SPTY2D1: variants seen among roughly 807,000 people sequenced by gnomAD.
The protein encoded by SPTY2D1 is protein SPT2 homolog.
A neutral mutation model predicts 64.0 loss-of-function variants in SPTY2D1; 21 were observed. The ratio of observed to expected loss-of-function variants is 0.33; its 90% confidence interval spans 0.23 to 0.47. The LOEUF (loss-of-function observed/expected upper bound fraction) is 0.47. SPTY2D1 is among the 20% of genes least tolerant of loss of function. The pLI is 1.00. For synonymous variants in SPTY2D1, 287 were observed against 286.8 expected, an observed-to-expected ratio of 1.00 and a Z score of -0.01; for missense variants, 724 against 837.2, an observed-to-expected ratio of 0.86 and a Z score of 1.67.
chr11:18,620,213 G>A (rs573124480), intron 1 of SPTY2D1, among the ~76,000 whole-genome samples: 38 of 152,252 alleles, frequency 2.5e-4, no homozygotes, highest in South Asian at 2.5e-3. Context: ...GGTGGTTCAC[G>A]CCTGTAATCC....
At position 18,615,656 on chromosome 11, in the gene SPTY2D1, T is replaced by C. The variant is rs752303414; in HGVS notation, c.618A>G (p.Glu206=). Residue 206 remains glutamate, a synonymous_variant, in exon 3 of 6, where the codon GAA becomes GAG. Transcript: ENST00000336349. The part of the protein sequence containing the change: ...PMTAEELRER[E]FLERKHRRKK... ...TTCTCCTATGCTTTCGTTCAAGGAATTCTCGCTCCCTAAGTTCTTCTGCGG... is the reference window on the plus strand; with the variant it reads ...TTCTCCTATGCTTTCGTTCAAGGAACTCTCGCTCCCTAAGTTCTTCTGCGG... 4 of 1,614,108 alleles carry C rather than the reference T, an allele frequency of 2.5e-6. No homozygotes were observed. The Middle Eastern group carries it at 4.9e-4, about 199-fold the overall frequency.
chr11:18,616,900 C>G lies in SPTY2D1; in HGVS notation c.150G>C (p.Arg50Ser). The part of the protein sequence containing the change: ...QSAAVQAFLK[R>S]KEEELRRKAL... ...CTTTTCGTCTCAGCTCCTCTTCTTT[C>G]CTTTTAAGAAAAGCTTGTACAGCTG... The change falls in exon 2 of 6, where the codon AGG becomes AGC. Residue 50 changes from arginine to serine, a missense_variant. Physicochemically the swap from Arg to Ser is moderately radical, Grantham distance 110. Coordinates refer to ENST00000336349, the MANE Select transcript of SPTY2D1 (RefSeq NM_194285.3). 6.2e-7 allele frequency: 1 copy of G among 1,614,100 alleles called. No individual in the cohort carries two copies. The highest frequency in any genetic ancestry group is 8.5e-7 in the Non-Finnish European group (1 of 1,180,012).
At chr11:18,624,623 A>G (rs1854466650) in intron 1 of SPTY2D1, among the ~76,000 whole-genome samples, 2 of 152,360 alleles carry the variant, frequency 1.3e-5, no homozygotes, top group East Asian at 3.9e-4. Context: ...AAACTGTATC[A>G]TCTAAGCCAG....
At chr11:18,624,208 A>AG (rs1554988736) in intron 1 of SPTY2D1, among the ~76,000 whole-genome samples, 4 of 89,782 alleles carry the variant, frequency 4.5e-5, no homozygotes, top group Non-Finnish European at 1.2e-4. Flanking sequence ...TTAAAAAGAG[A>AG]GGAAAAAAAA....
chr11:18,613,630 T>C (rs1854241943), intron 3 of SPTY2D1, among the ~76,000 whole-genome samples: 1 of 152,172 alleles, frequency 6.6e-6, no homozygotes, highest in Non-Finnish European at 1.5e-5. Context: ...GAATCAATGG[T>C]CTAGTTGAAC....
At chr11:18,614,512 C>CA in intron 3 of SPTY2D1, 51 bp downstream of exon 3, 1 of 1,531,906 alleles carries the variant, frequency 6.5e-7, no homozygotes, top group Non-Finnish European at 8.8e-7. Flanking sequence ...AAAACTCTTT[C>CA]CAATTTCCTA....
intron 1 of SPTY2D1, among the ~76,000 whole-genome samples, chr11:18,622,681 G>A (rs1028660588): frequency 1.3e-5 from 2 of 152,106 alleles, no homozygotes; most frequent in African/African-American, 4.8e-5. Context: ...GCTGGGCGCG[G>A]TGGCTCACCC....
At chr11:18,630,548 T>C (rs1381532986) in intron 1 of SPTY2D1, among the ~76,000 whole-genome samples, 1 of 152,190 alleles carries the variant, frequency 6.6e-6, no homozygotes, top group Non-Finnish European at 1.5e-5. Context: ...TTTAGTCTAA[T>C]CATCGCTAGT....
At position 18,614,658 on chromosome 11, in the gene SPTY2D1, G is replaced by T; in HGVS notation, c.1616C>A (p.Ser539Tyr). The change falls in exon 3 of 6, where the codon TCC (serine) becomes TAC (tyrosine). Residue 539 changes from serine (S) to tyrosine (Y), a missense_variant. Ser to Tyr is a moderately radical substitution (Grantham distance 144, BLOSUM62 -2). Coordinates refer to ENST00000336349, the MANE Select transcript of SPTY2D1 (RefSeq NM_194285.3). ...PTIKPKCTVV[S>Y]ETISSKNIIS... is the part of the protein sequence containing the mutation. ...GATATTCTTGGAAGAAATTGTTTCG[G>T]AGACAACAGTGCACTTAGGCTTTAT... The T allele has an allele frequency of 1.2e-6, 2 of 1,614,232 alleles. No homozygotes were observed. The highest frequency in any genetic ancestry group is 1.7e-6 in the Non-Finnish European group (2 of 1,180,038).
At chr11:18,621,110 C>T (rs1461204886) in intron 1 of SPTY2D1, among the ~76,000 whole-genome samples, 1 of 151,028 alleles carries the variant, frequency 6.6e-6, no homozygotes, top group Non-Finnish European at 1.5e-5. Flanking sequence ...TCGAGACCAG[C>T]CTGGTCAACT....
chr11:18,622,086 CAAAAAA>C (rs747593791), intron 1 of SPTY2D1, among the ~76,000 whole-genome samples: 2 of 11,834 alleles, frequency 1.7e-4, no homozygotes, highest in African/African-American at 4.7e-4. Context: ...GACCCTATCT[CAAAAAA>C]AAAAAAAAAA....
chr11:18,620,102 T>G (rs1590402838), intron 1 of SPTY2D1, among the ~76,000 whole-genome samples: 1 of 152,304 alleles, frequency 6.6e-6, no homozygotes, highest in South Asian at 2.1e-4. Context: ...TTCAGTAAGC[T>G]TCAGTCATTT....
Position 18,616,921 on chromosome 11 carries a change from A to G in SPTY2D1, c.129T>C (p.Ala43=). 6.2e-7 allele frequency: 1 copy of G among 1,614,218 alleles called. No individual in the cohort carries two copies. Among genetic ancestry groups the G allele is most frequent in the Non-Finnish European group, 8.5e-7 (1 of 1,180,036 alleles). The change falls in exon 2 of 6, where the codon GCT becomes GCC. Residue 43 remains alanine, a synonymous_variant. Transcript: ENST00000336349. Reference sequence around the variant, plus strand: ...CTTTCCTTTTAAGAAAAGCTTGTACAGCTGCTGATTGGACACCTTTAACTT... The same window carrying G: ...CTTTCCTTTTAAGAAAAGCTTGTACGGCTGCTGATTGGACACCTTTAACTT... ...DPKVKGVQSA[A]VQAFLKRKEE... is the part of the protein sequence containing the mutation.
At chr11:18,611,643 T>A (rs1404445786) in intron 4 of SPTY2D1, 89 bp from the exon 5 acceptor site, 2 of 1,041,188 alleles carry the variant, frequency 1.9e-6, no homozygotes, top group African/African-American at 3.2e-5. Context: ...CAATATCTCC[T>A]TTAAAACTAA....
rs1854284310 is a variant in SPTY2D1, at chr11:18,615,532, C to T, written c.742G>A (p.Asp248Asn). 3.7e-6 allele frequency: 6 copies of T among 1,614,208 alleles called. No individual in the cohort carries two copies. Among genetic ancestry groups the T allele is most frequent in the Non-Finnish European group, 1.7e-6 (2 of 1,180,044 alleles). Residue 248 changes from aspartate (D) to asparagine (N), a missense_variant, in exon 3 of 6, where the codon GAC (aspartate) becomes AAC (asparagine). By Grantham distance (23) the Asp-to-Asn change is conservative. Coordinates refer to ENST00000336349, the MANE Select transcript of SPTY2D1 (RefSeq NM_194285.3). The part of the protein sequence containing the change: ...VGTKLSKGSG[D>N]RHPSSKGMPL... ...ATTCCTTTGGAAGAAGGATGCCTGT[C>T]TCCAGAACCTTTGCTAAGTTTTGTG...
intron 1 of SPTY2D1, among the ~76,000 whole-genome samples, chr11:18,623,157 T>C (rs1373146302): frequency 6.6e-6 from 1 of 152,206 alleles, no homozygotes; most frequent in Non-Finnish European, 1.5e-5. Context: ...CTGCAGGTTT[T>C]TTAAGTTATC....
intron 1 of SPTY2D1, among the ~76,000 whole-genome samples, chr11:18,630,704 C>A (rs1255676771): frequency 6.6e-6 from 1 of 152,212 alleles, no homozygotes; most frequent in Non-Finnish European, 1.5e-5. Flanking sequence ...GAGAGAGATG[C>A]AGCCTAGTTA....
intron 1 of SPTY2D1, among the ~76,000 whole-genome samples, chr11:18,632,546 A>C (rs887116225): frequency 1.3e-5 from 2 of 152,084 alleles, no homozygotes; most frequent in Non-Finnish European, 2.9e-5. Context: ...ATGGGGTTTC[A>C]TCATATTTGT....
chr11:18,620,594 A>G (rs1352866572), intron 1 of SPTY2D1, among the ~76,000 whole-genome samples: 1 of 152,098 alleles, frequency 6.6e-6, no homozygotes, highest in Non-Finnish European at 1.5e-5. Flanking sequence ...ATATAAAAAT[A>G]CATACTATTA....
Sources: allele counts gnomAD v4.1 joint callset (sites outside exome capture counted in the v4.1 genomes callset), GRCh38; gene constraint gnomAD v4.1.1; transcripts MANE v1.5; gene names NCBI Gene and HGNC (gene_info 2026-07-23, HGNC 2026-07-21).